CELF2: variants seen among roughly 807,000 people sequenced by gnomAD.
CELF2 encodes the protein CUG triplet repeat RNA-binding protein 2.
A neutral mutation model predicts 62.6 loss-of-function variants in CELF2; 8 were observed. That is an observed-to-expected ratio of 0.13 (90% confidence interval 0.07 to 0.23). CELF2 has a LOEUF of 0.23. CELF2 is among the 10% of genes least tolerant of loss of function. The pLI, the probability that CELF2 is intolerant of heterozygous loss-of-function variation, is 1.00. For synonymous variants in CELF2, 258 were observed against 250.0 expected (o/e 1.03, Z -0.30); for missense variants, 333 against 671.0 (o/e 0.50, Z 5.56).
chr10:10,711,643 A>G, the CELF2 span, among the ~76,000 whole-genome samples: 3 of 152,150 alleles, frequency 2.0e-5, no homozygotes, highest in African/African-American at 7.2e-5. Flanking sequence ...GCATTTTGGG[A>G]GGCTGAGGCA....
intron 1 of CELF2, among the ~76,000 whole-genome samples, chr10:11,121,651 G>A (rs944919550): frequency 2.0e-5 from 3 of 152,098 alleles, no homozygotes; most frequent in Non-Finnish European, 2.9e-5. Flanking sequence ...TTAATATTCT[G>A]GTTAGTGCAA....
chr10:11,276,689 T>A (rs2086254945), intron 8 of CELF2, among the ~76,000 whole-genome samples: 2 of 152,226 alleles, frequency 1.3e-5, no homozygotes, highest in African/African-American at 4.8e-5. Flanking sequence ...GGCCTCAGGC[T>A]TTCCTACCCC....
intron 1 of CELF2, among the ~76,000 whole-genome samples, chr10:11,021,113 A>G (rs759367581): frequency 1.1e-4 from 17 of 152,164 alleles, no homozygotes; most frequent in Non-Finnish European, 1.9e-4. Flanking sequence ...TTTAATGACC[A>G]TATACATGCA....
rs569946521 is a variant in CELF2 at position 11,240,561 on chromosome 10, G to A, written c.355-8592G>A. ...AGATTTAGCTCTGTCCTTGTTAGTC[G>A]AATGGCAAATTAGCCGGGGCTACAC... On this transcript the variant is annotated intron_variant, in intron 3 of 12. Coordinates refer to ENST00000633077, the MANE Select transcript of CELF2 (RefSeq NM_001326342.2). Among the ~76,000 whole-genome samples, 19 of 152,206 alleles carry A rather than the reference G, an allele frequency of 1.2e-4. No homozygotes were observed. The East Asian group carries it at 2.7e-3, about 22-fold the overall frequency.
chr10:10,982,203 C>T (rs1372983678), intron 2 of CELF2, among the ~76,000 whole-genome samples: 1 of 152,068 alleles, frequency 6.6e-6, no homozygotes, highest in East Asian at 1.9e-4. Context: ...GATCCACCCA[C>T]CTCAGCCTCC....
intron 1 of CELF2, chr10:10,846,118 C>A (rs1418023308): frequency 6.1e-6 from 6 of 985,072 alleles, no homozygotes; most frequent in Non-Finnish European, 7.2e-6. Flanking sequence ...CAGGAGTAAG[C>A]AATTCCTTTG....
chr10:10,922,665 T>C (rs1454697668), intron 2 of CELF2: 1 of 152,220 alleles, frequency 6.6e-6, no homozygotes, highest in Non-Finnish European at 1.5e-5. Flanking sequence ...GTGGGTGGTA[T>C]TTCGGTAATA....
intron 2 of CELF2, among the ~76,000 whole-genome samples, chr10:10,962,535 C>A (rs75442093): frequency 0.018 from 2,764 of 152,204 alleles, 23 homozygotes; most frequent in Non-Finnish European, 0.026. Context: ...CCAGCCTGAG[C>A]AGCAGAGCAA....
At chr10:11,017,425 T>A (rs1348792844), upstream of CELF2, among the ~76,000 whole-genome samples, 4 of 152,238 alleles carry the variant, frequency 2.6e-5, no homozygotes, top group African/African-American at 9.6e-5. The surrounding 1 kb of genome is among the most constrained non-coding windows in gnomAD (Gnocchi z 5.5). Flanking sequence ...AGTCCCTAAA[T>A]GTCACTTGGG....
At chr10:10,754,061 G>GA in the CELF2 span, among the ~76,000 whole-genome samples, 1 of 85,056 alleles carries the variant, frequency 1.2e-5, no homozygotes, top group African/African-American at 4.5e-5. Context: ...TGCTGAGGTG[G>GA]TTTTTTTTTT....
At chr10:10,757,006 G>A in the CELF2 span, among the ~76,000 whole-genome samples, 6 of 152,098 alleles carry the variant, frequency 3.9e-5, no homozygotes, top group Admixed American at 2.6e-4. Flanking sequence ...GCCAGGCGTG[G>A]TGGCACGTGC....
In CELF2 at chr10:11,223,173, G is replaced by A. The variant is rs1230007886; in HGVS notation, c.354+5666G>A. On this transcript the variant is annotated intron_variant, in intron 3 of 12. Transcript: ENST00000633077. The surrounding 1 kb of genome is among the most constrained non-coding windows in gnomAD (Gnocchi z 5.1). ...ATGGTGCGTGTTAGAGAGGGTGCTT[G>A]AGAAATGGCCGTGCGATGATGGTGA... is the stretch of plus-strand genomic sequence containing the variant. Among the ~76,000 whole-genome samples the A allele has an allele frequency of 6.6e-6, 1 of 152,228 alleles. No homozygotes were observed. Among genetic ancestry groups the A allele is most frequent in the African/African-American group, 2.4e-5 (1 of 41,460 alleles).
intron 1 of CELF2, among the ~76,000 whole-genome samples, chr10:11,084,703 T>C (rs1159178491): frequency 6.6e-6 from 1 of 152,092 alleles, no homozygotes; most frequent in Non-Finnish European, 1.5e-5. Context: ...TATAGAATTC[T>C]AAGATTTTAC....
Position 11,314,410 on chromosome 10 carries a change from A to T in CELF2, c.1096+152A>T, listed in dbSNP as rs2094780803. ...AGGAGCACATGCTTTGATAGGCAAA[A>T]GCTGTCTACACTCGTTTTGCCTCAG... is the stretch of plus-strand genomic sequence containing the variant. On this transcript the variant is annotated intron_variant, in intron 10 of 12. Coordinates refer to ENST00000633077, the MANE Select transcript of CELF2 (RefSeq NM_001326342.2). The surrounding 1 kb of genome is among the most constrained non-coding windows in gnomAD (Gnocchi z 5.3). The T allele has an allele frequency of 2.1e-6, 2 of 955,566 alleles. No individual in the cohort carries two copies. The highest frequency in any genetic ancestry group is 3.2e-5 in the African/African-American group (2 of 62,102). The allele number at this position is 955,566 out of a possible 1,614,324, so 59.2% of individuals were successfully genotyped here.
intron 1 of CELF2, among the ~76,000 whole-genome samples, chr10:11,115,139 C>G (rs2143512575): frequency 6.6e-6 from 1 of 152,284 alleles, no homozygotes; most frequent in African/African-American, 2.4e-5. Flanking sequence ...ATGCAGTAGG[C>G]ACGTGAATAT....
intron 5 of CELF2, among the ~76,000 whole-genome samples, chr10:11,258,179 CAAG>C (rs1329471889): frequency 6.6e-6 from 1 of 152,094 alleles, no homozygotes; most frequent in Non-Finnish European, 1.5e-5. Flanking sequence ...GGGGGAGGTG[CAAG>C]AAGGAGAAGT....
At chr10:10,683,998 C>A in the CELF2 span, among the ~76,000 whole-genome samples, 1 of 152,012 alleles carries the variant, frequency 6.6e-6, no homozygotes, top group African/African-American at 2.4e-5. Context: ...GGGACTCCTA[C>A]TCCCACCCAC....
rs571435258 is a variant in CELF2 at position 10,867,995 on chromosome 10, A to G, written c.54-51969A>G. Among the ~76,000 whole-genome samples the G allele has an allele frequency of 2.0e-5, 3 of 152,238 alleles. No homozygotes were observed. The South Asian group carries it at 6.2e-4, about 32-fold the overall frequency. On this transcript the variant is annotated intron_variant, in intron 1 of 13. Coordinates refer to the CELF2 transcript ENST00000636488. Reference sequence around the variant, plus strand: ...TCCAGATTCTCACCTATAATTTCCCACCCATACAATCTGAAAATATATCTA... The same window carrying G: ...TCCAGATTCTCACCTATAATTTCCCGCCCATACAATCTGAAAATATATCTA...
At chr10:10,772,624 T>C in the CELF2 span, among the ~76,000 whole-genome samples, 1 of 152,338 alleles carries the variant, frequency 6.6e-6, no homozygotes, top group Non-Finnish European at 1.5e-5. Context: ...GAGGGAACGG[T>C]GAGAAAGCTC....
Sources: gnomAD v4.1 joint callset for allele counts (sites outside exome capture counted in the v4.1 genomes callset) on GRCh38, gnomAD v4.1.1 for gene constraint, Gnocchi (gnomAD v3.1) non-coding constraint, MANE v1.5 for transcripts, NCBI Gene and HGNC (gene_info 2026-07-23, HGNC 2026-07-21) for gene names.